Variants in DPP10 observed in about 807,000 individuals in gnomAD.
The protein encoded by DPP10 is dipeptidyl peptidase like 10, also known as inactive dipeptidyl peptidase 10.
In DPP10, 33 loss-of-function variants were observed where a neutral mutation model predicts 120.9. The observed-to-expected ratio is 0.27, with a 90% CI of 0.21 to 0.37. The LOEUF (loss-of-function observed/expected upper bound fraction) is 0.37, where lower values mean the gene tolerates loss of function less well. Ranked by LOEUF, DPP10 falls within the 10% of genes least tolerant of loss-of-function variation. DPP10 has a pLI of 1.00. For synonymous variants in DPP10, 337 were observed against 326.1 expected (o/e 1.03, Z -0.36); for missense variants, 816 against 942.8 (o/e 0.87, Z 1.76).
chr2:115,367,684 G>T (rs972894128), intron 3 of DPP10, among the ~76,000 whole-genome samples: 35 of 151,936 alleles, frequency 2.3e-4, no homozygotes, highest in African/African-American at 8.0e-4. Flanking sequence ...TTTTGTTTCA[G>T]AAAATGATTA....
At position 115,240,557 on chromosome 2, in the gene DPP10, A is replaced by G; in HGVS notation, c.61-68682A>G. Among the ~76,000 whole-genome samples, 2 of 152,158 alleles carry G rather than the reference A, an allele frequency of 1.3e-5. 1 individual carries two copies. The highest frequency in any genetic ancestry group is 3.9e-4 in the East Asian group (2 of 5,182). On this transcript the variant is annotated intron_variant, in intron 1 of 25. Transcript: ENST00000410059. ...CTCTTTGTCTGATGGAGAGATTGCA[A>G]AAATTTTTTCCAATTCTGTAGGTTA... is the stretch of plus-strand genomic sequence containing the variant.
chr2:115,615,483 T>TA (rs1306348958), intron 5 of DPP10, among the ~76,000 whole-genome samples: 1 of 152,164 alleles, frequency 6.6e-6, no homozygotes, highest in African/African-American at 2.4e-5. Context: ...ATTCTGCTCT[T>TA]ACGATTACAC....
At chr2:115,827,414 GTATATA>G (rs70941101) in intron 21 of DPP10, among the ~76,000 whole-genome samples, 4 of 75,452 alleles carry the variant, frequency 5.3e-5, no homozygotes, top group African/African-American at 9.7e-5. Flanking sequence ...ATGTGTGTGT[GTATATA>G]TATATATATA....
intron 1 of DPP10, among the ~76,000 whole-genome samples, chr2:115,150,588 AATATAGCTGTT>A (rs1328275734): frequency 6.6e-6 from 1 of 152,228 alleles, no homozygotes; most frequent in Non-Finnish European, 1.5e-5. Flanking sequence ...ATTGGTAGAT[AATATAGCTGTT>A]ATGTACTCTT....
chr2:115,086,046 T>C (rs1432315638), intron 1 of DPP10, among the ~76,000 whole-genome samples: 1 of 152,200 alleles, frequency 6.6e-6, no homozygotes, highest in East Asian at 1.9e-4. Context: ...CCCCAAAACA[T>C]GTTTTTCTGC....
intron 1 of DPP10, among the ~76,000 whole-genome samples, chr2:115,306,171 T>C (rs1383557091): frequency 4.6e-5 from 7 of 152,092 alleles, no homozygotes; most frequent in African/African-American, 1.7e-4. Flanking sequence ...GGATTCAAAC[T>C]TACTGGTACA....
intron 1 of DPP10, among the ~76,000 whole-genome samples, chr2:114,988,443 C>T (rs1700559695): frequency 6.6e-6 from 1 of 152,216 alleles, no homozygotes; most frequent in Non-Finnish European, 1.5e-5. Flanking sequence ...CCTTCTGCTT[C>T]CTTGCTCCCA....
At chr2:114,727,818 G>A (rs968584876) in intron 1 of DPP10, among the ~76,000 whole-genome samples, 2 of 152,104 alleles carry the variant, frequency 1.3e-5, no homozygotes, top group African/African-American at 2.4e-5. Context: ...AGGTGATAAC[G>A]CTAATAATGA....
chr2:115,028,188 T>A (rs1338808728), intron 1 of DPP10, among the ~76,000 whole-genome samples: 1 of 152,116 alleles, frequency 6.6e-6, no homozygotes, highest in Non-Finnish European at 1.5e-5. Flanking sequence ...AGAGCCATCA[T>A]TAGCTTGTTT....
chr2:115,202,124 T>C lies in DPP10; in HGVS notation c.61-107115T>C, dbSNP rs572991765. Among the ~76,000 whole-genome samples, 4 of 152,304 alleles carry C rather than the reference T, an allele frequency of 2.6e-5. No homozygotes were observed. In the South Asian group the frequency reaches 8.3e-4, roughly 32 times the overall value. ...TATTTATTTTTATAGAGATGTAGTC[T>C]TGCTGTGTTTTCCATGGTGGTCTTG... is the stretch of plus-strand genomic sequence containing the variant. On this transcript the variant is annotated intron_variant, in intron 1 of 25. Transcript: ENST00000410059.
At chr2:115,774,583 C>T (rs902423345) in intron 13 of DPP10, among the ~76,000 whole-genome samples, 2 of 152,020 alleles carry the variant, frequency 1.3e-5, no homozygotes, top group Non-Finnish European at 2.9e-5. Context: ...TGCACTTATA[C>T]CTCTAGTCAA....
chr2:115,166,071 G>T (rs2052815859), intron 1 of DPP10, among the ~76,000 whole-genome samples: 2 of 152,078 alleles, frequency 1.3e-5, no homozygotes, highest in African/African-American at 4.8e-5. Context: ...AGACATTTAG[G>T]TAATATCAAC....
At chr2:114,735,751 T>C (rs948826244) in intron 1 of DPP10, among the ~76,000 whole-genome samples, 6 of 152,056 alleles carry the variant, frequency 3.9e-5, no homozygotes, top group African/African-American at 1.2e-4. Flanking sequence ...AAGAAGCACA[T>C]GTAACTAGCT....
intron 1 of DPP10, among the ~76,000 whole-genome samples, chr2:115,023,434 A>G (rs1243349743): frequency 2.0e-5 from 3 of 152,190 alleles, no homozygotes; most frequent in East Asian, 3.9e-4. Context: ...AATCAAAACC[A>G]CAACTCAATA....
chr2:114,857,481 G>C (rs1276440236), intron 1 of DPP10, among the ~76,000 whole-genome samples: 1 of 152,098 alleles, frequency 6.6e-6, no homozygotes, highest in Admixed American at 6.5e-5. Flanking sequence ...GCTTAGTCAG[G>C]CTGTCTTCTG....
intron 1 of DPP10, among the ~76,000 whole-genome samples, chr2:115,286,712 T>TA (rs2060420740): frequency 6.6e-6 from 1 of 150,436 alleles, no homozygotes; most frequent in South Asian, 2.1e-4. Context: ...ATTTTATTGT[T>TA]ATATCTTTCC....
chr2:115,268,079 C>T (rs1479796443), intron 1 of DPP10, among the ~76,000 whole-genome samples: 2 of 152,176 alleles, frequency 1.3e-5, no homozygotes, highest in Non-Finnish European at 2.9e-5. Flanking sequence ...TTAGAAGTCT[C>T]TCTCAAAAAC....
intron 1 of DPP10, among the ~76,000 whole-genome samples, chr2:114,895,615 C>T (rs962596162): frequency 6.6e-6 from 1 of 152,162 alleles, no homozygotes; most frequent in Admixed American, 6.6e-5. Context: ...GTGCAGTGAA[C>T]AGCCTCCACT....
chr2:115,823,602 T>A (rs962608595), intron 21 of DPP10, among the ~76,000 whole-genome samples: 1 of 152,200 alleles, frequency 6.6e-6, no homozygotes, highest in Non-Finnish European at 1.5e-5. Context: ...TCAGTTTGTA[T>A]TTGGCTTTTG....
Sources: gnomAD v4.1 joint callset for allele counts (sites outside exome capture counted in the v4.1 genomes callset) on GRCh38, gnomAD v4.1.1 for gene constraint, MANE v1.5 for transcripts, NCBI Gene and HGNC (gene_info 2026-07-23, HGNC 2026-07-21) for gene names.